The following AFF3 variants were observed in gnomAD, a reference collection of about 807,000 sequenced individuals.
AFF3 encodes the protein ALF transcription elongation factor 3.
A neutral mutation model predicts 129.7 loss-of-function variants in AFF3; 32 were observed. The ratio of observed to expected loss-of-function variants is 0.25; its 90% confidence interval spans 0.19 to 0.33. The LOEUF is 0.33. Ranked by LOEUF, AFF3 falls within the 10% of genes least tolerant of loss-of-function variation. AFF3 has a pLI of 1.00. For missense variants in AFF3, 1,373 were observed against 1,592.0 expected, an observed-to-expected ratio of 0.86 and a Z score of 2.34; for synonymous variants, 644 against 635.4, an observed-to-expected ratio of 1.01 and a Z score of -0.20.
intron 12 of AFF3, among the ~76,000 whole-genome samples, chr2:99,664,542 G>A (rs1686513292): frequency 6.6e-6 from 1 of 152,126 alleles, no homozygotes; most frequent in Non-Finnish European, 1.5e-5. Context: ...TTCTCAAATA[G>A]GTTATTTGTG....
intron 12 of AFF3, among the ~76,000 whole-genome samples, chr2:99,657,914 C>T (rs910245517): frequency 2.6e-5 from 4 of 152,320 alleles, no homozygotes; most frequent in South Asian, 2.1e-4. Flanking sequence ...TTGTCAGGGA[C>T]GGCTCTAATT....
chr2:99,575,597 A>G (rs576173118), intron 18 of AFF3, among the ~76,000 whole-genome samples: 35 of 151,566 alleles, frequency 2.3e-4, no homozygotes, highest in Admixed American at 6.6e-4. Context: ...TCTTTCCACA[A>G]CTTTCTTAGT....
chr2:99,960,640 C>T (rs1054949147), intron 7 of AFF3, among the ~76,000 whole-genome samples: 2 of 152,184 alleles, frequency 1.3e-5, no homozygotes, highest in African/African-American at 2.4e-5. Flanking sequence ...TTGCTCTCTC[C>T]GTCCTCTGCT....
chr2:100,140,862 C>A (rs759409057), intron 1 of AFF3, among the ~76,000 whole-genome samples: 38 of 152,074 alleles, frequency 2.5e-4, no homozygotes, highest in Non-Finnish European at 4.7e-4. Flanking sequence ...TGTCACTGCT[C>A]TGGCCTTAAG....
chr2:99,793,653 C>G (rs1038424404), intron 8 of AFF3, among the ~76,000 whole-genome samples: 1 of 152,102 alleles, frequency 6.6e-6, no homozygotes, highest in African/African-American at 2.4e-5. Context: ...ATTAATCATT[C>G]GCGTTTTCTC....
At chr2:100,136,899 TAG>T (rs1692661818) in intron 1 of AFF3, among the ~76,000 whole-genome samples, 1 of 152,214 alleles carries the variant, frequency 6.6e-6, no homozygotes, top group South Asian at 2.1e-4. Flanking sequence ...GTAGATTTTA[TAG>T]ATTCTTTTTA....
At chr2:100,071,287 A>G (rs2105301885) in intron 4 of AFF3, among the ~76,000 whole-genome samples, 1 of 152,378 alleles carries the variant, frequency 6.6e-6, no homozygotes, top group African/African-American at 2.4e-5. Flanking sequence ...ATTTAAAATA[A>G]AAATGTCTAA....
At chr2:99,791,782 T>C (rs1243347390) in intron 8 of AFF3, among the ~76,000 whole-genome samples, 1 of 152,166 alleles carries the variant, frequency 6.6e-6, no homozygotes, top group East Asian at 1.9e-4. Flanking sequence ...TACTGTCCTT[T>C]TTGTGGTATA....
chr2:100,136,006 A>G (rs1415956702), intron 1 of AFF3, among the ~76,000 whole-genome samples: 1 of 152,232 alleles, frequency 6.6e-6, no homozygotes, highest in Non-Finnish European at 1.5e-5. Context: ...TCAAGGTCCT[A>G]GGCTGACACT....
At chr2:99,823,799 C>T (rs147903174) in intron 8 of AFF3, among the ~76,000 whole-genome samples, 63 of 152,264 alleles carry the variant, frequency 4.1e-4, no homozygotes, top group African/African-American at 1.5e-3. Flanking sequence ...CTGTCCCTTG[C>T]GGCAACGTGG....
At chr2:99,867,160 G>A (rs113537676) in intron 7 of AFF3, among the ~76,000 whole-genome samples, 2,638 of 152,134 alleles carry the variant, frequency 0.017, 40 homozygotes, top group South Asian at 0.051. Context: ...AACATAAGGT[G>A]TAGCCATTCT....
At chr2:100,133,690 T>G (rs1026543336) in intron 1 of AFF3, among the ~76,000 whole-genome samples, 2 of 152,150 alleles carry the variant, frequency 1.3e-5, no homozygotes, top group African/African-American at 4.8e-5. Flanking sequence ...CCCAGCACTT[T>G]GGGAGGCTGA....
In AFF3 at chr2:99,582,743, G is replaced by A. The variant is rs1337613201; in HGVS notation, c.2793+55C>T. 4 of 1,571,924 alleles carry A rather than the reference G, an allele frequency of 2.5e-6. No homozygotes were observed. In the East Asian group the frequency reaches 8.9e-5, roughly 35 times the overall value. On this transcript the variant is annotated intron_variant, in intron 17 of 24. Transcript: ENST00000672756. ...CTGTGCTAGGTTAGAGACAGAGCTT[G>A]GGGGTGCTCAATTTCATTTTGGTTT... is the stretch of plus-strand genomic sequence containing the variant.
chr2:100,050,200 G>C (rs1053673796), intron 4 of AFF3, among the ~76,000 whole-genome samples: 5 of 151,856 alleles, frequency 3.3e-5, no homozygotes, highest in Admixed American at 2.0e-4. Flanking sequence ...TTCATCTCGG[G>C]GGGGAAAAAA....
At chr2:99,657,416 C>T (rs1368813986) in intron 12 of AFF3, among the ~76,000 whole-genome samples, 7 of 152,142 alleles carry the variant, frequency 4.6e-5, no homozygotes, top group Non-Finnish European at 7.3e-5. Flanking sequence ...TGCCGTCTGC[C>T]TCATGACAAT....
intron 1 of AFF3, among the ~76,000 whole-genome samples, chr2:100,134,174 T>G (rs1172731595): frequency 6.6e-6 from 1 of 152,200 alleles, no homozygotes; most frequent in African/African-American, 2.4e-5. Context: ...ATCTAGTTTT[T>G]AAGGCTTTTG....
At chr2:99,715,029 A>G (rs543422711) in intron 11 of AFF3, among the ~76,000 whole-genome samples, 13 of 152,188 alleles carry the variant, frequency 8.5e-5, no homozygotes, top group Non-Finnish European at 1.2e-4. Flanking sequence ...TTGAAATAGA[A>G]GTCAGTGGTG....
chr2:99,896,698 C>T (rs1234280500), intron 7 of AFF3, among the ~76,000 whole-genome samples: 6 of 126,800 alleles, frequency 4.7e-5, no homozygotes, highest in South Asian at 5.4e-4. Flanking sequence ...TGCCGTGGCA[C>T]GATCTCGGCT....
At chr2:100,128,789 G>A (rs142852509) in intron 2 of AFF3, among the ~76,000 whole-genome samples, 303 of 152,310 alleles carry the variant, frequency 2.0e-3, no homozygotes, top group African/African-American at 6.7e-3. Flanking sequence ...AAAAGGTTTC[G>A]TTGCCAGAAG....
Sources: gnomAD v4.1 joint callset for allele counts (sites outside exome capture counted in the v4.1 genomes callset) on GRCh38, gnomAD v4.1.1 for gene constraint, MANE v1.5 for transcripts, NCBI Gene and HGNC (gene_info 2026-07-23, HGNC 2026-07-21) for gene names.